The following GALNT13 variants were observed in gnomAD, a reference collection of about 807,000 sequenced individuals.
GALNT13 encodes UDP-GalNAc:polypeptide N-acetylgalactosaminyltransferase 13.
GALNT13 carries 28 observed loss-of-function variants against 64.2 expected under a neutral mutation model. The ratio of observed to expected loss-of-function variants is 0.44; its 90% CI spans 0.32 to 0.60. The LOEUF is 0.60. Ranked by LOEUF, GALNT13 falls within the 20% of genes least tolerant of loss-of-function variation. The pLI is 0.05. For synonymous variants in GALNT13, 214 were observed against 224.6 expected, an observed-to-expected ratio of 0.95 and a Z score of 0.42; for missense variants, 577 against 669.8, an observed-to-expected ratio of 0.86 and a Z score of 1.53.
chr2:153,864,523 G>C, the GALNT13 span, among the ~76,000 whole-genome samples: 2 of 152,124 alleles, frequency 1.3e-5, no homozygotes, highest in African/African-American at 4.8e-5. Context: ...TGTATCCTGA[G>C]ACTTTGCTGA....
the GALNT13 span, among the ~76,000 whole-genome samples, chr2:153,780,214 GATATATATATATAT>G: frequency 1.4e-3 from 176 of 128,060 alleles, 6 homozygotes; most frequent in East Asian, 6.7e-3. Context: ...AGAATTTGAA[GATATATATATATAT>G]ATATATATAT....
At chr2:154,256,934 A>T (rs1396189032) in intron 7 of GALNT13, among the ~76,000 whole-genome samples, 1 of 152,192 alleles carries the variant, frequency 6.6e-6, no homozygotes, top group African/African-American at 2.4e-5. Context: ...GCACATGGGC[A>T]TATGTAAATA....
the GALNT13 span, among the ~76,000 whole-genome samples, chr2:153,693,810 A>G: frequency 6.6e-6 from 1 of 152,034 alleles, no homozygotes; most frequent in South Asian, 2.1e-4. Context: ...GTAAATCTAT[A>G]TTTTACATCT....
chr2:153,270,707 C>T, the GALNT13 span, among the ~76,000 whole-genome samples: 1 of 152,000 alleles, frequency 6.6e-6, no homozygotes, highest in Non-Finnish European at 1.5e-5. Context: ...AGAAATTAGC[C>T]AGGCAAGATG....
At chr2:154,073,049 T>C (rs1700815031) in intron 3 of GALNT13, among the ~76,000 whole-genome samples, 1 of 152,026 alleles carries the variant, frequency 6.6e-6, no homozygotes, top group Non-Finnish European at 1.5e-5. Flanking sequence ...TTTTGTCTTG[T>C]TCACTTTGTT....
At chr2:153,982,218 C>G (rs959840810) in intron 3 of GALNT13, among the ~76,000 whole-genome samples, 2 of 152,042 alleles carry the variant, frequency 1.3e-5, no homozygotes, top group African/African-American at 4.8e-5. Flanking sequence ...GTGACAGGCT[C>G]TGAGAGAAGT....
In GALNT13 at chr2:153,903,172, G is replaced by A. The variant is rs150088827; in HGVS notation, c.-105+2165G>A. Among the ~76,000 whole-genome samples, 614 of 151,904 alleles carry A rather than the reference G, an allele frequency of 4.0e-3. 3 individuals carry two copies. The highest frequency in any genetic ancestry group is 0.014 in the African/African-American group (586 of 41,468). On this transcript the variant is annotated intron_variant, in intron 2 of 12. Transcript: ENST00000392825. The stretch of plus-strand genomic sequence containing the variant: ...ATTATATTATTCAATTATAAGTTAC[G>A]ATAGTAAACATGTCATCTTAATCTG...
the GALNT13 span, among the ~76,000 whole-genome samples, chr2:153,294,964 A>C: frequency 6.6e-6 from 1 of 152,202 alleles, no homozygotes; most frequent in Non-Finnish European, 1.5e-5. Flanking sequence ...TGTGAAGAGA[A>C]AAGTGATCTC....
At chr2:153,341,468 G>A in the GALNT13 span, among the ~76,000 whole-genome samples, 1 of 152,190 alleles carries the variant, frequency 6.6e-6, no homozygotes, top group Non-Finnish European at 1.5e-5. Flanking sequence ...ATCTATTATA[G>A]TCTGTTTGTT....
At chr2:153,256,749 C>T in the GALNT13 span, among the ~76,000 whole-genome samples, 5 of 152,152 alleles carry the variant, frequency 3.3e-5, no homozygotes, top group Admixed American at 1.3e-4. Context: ...GGGGTGCCTC[C>T]CAGTTAGGCT....
chr2:154,193,140 G>C (rs1045297292), intron 4 of GALNT13, among the ~76,000 whole-genome samples: 1 of 152,172 alleles, frequency 6.6e-6, no homozygotes, highest in Non-Finnish European at 1.5e-5. Context: ...CTCAGGATAA[G>C]AGTACAAATC....
chr2:153,378,463 A>G, the GALNT13 span, among the ~76,000 whole-genome samples: 3 of 152,152 alleles, frequency 2.0e-5, no homozygotes, highest in Non-Finnish European at 2.9e-5. Context: ...TGCAGCTATG[A>G]TTTGATTGGA....
At chr2:153,122,057 A>T in the GALNT13 span, among the ~76,000 whole-genome samples, 1 of 152,028 alleles carries the variant, frequency 6.6e-6, no homozygotes, top group African/African-American at 2.4e-5. Flanking sequence ...ATAGTGTTTC[A>T]CTCAGTAGAT....
chr2:153,404,215 A>C, the GALNT13 span, among the ~76,000 whole-genome samples: 6 of 152,150 alleles, frequency 3.9e-5, no homozygotes, highest in African/African-American at 4.8e-5. Context: ...TTTTCTTCCT[A>C]CTGTTTTTCC....
At chr2:154,175,467 G>A (rs559025286) in intron 4 of GALNT13, among the ~76,000 whole-genome samples, 79 of 152,238 alleles carry the variant, frequency 5.2e-4, no homozygotes, top group Non-Finnish European at 8.8e-4. Context: ...AAAGGTGTTA[G>A]TCAGGTGGCA....
the GALNT13 span, among the ~76,000 whole-genome samples, chr2:153,844,308 G>A: frequency 6.6e-6 from 1 of 152,206 alleles, no homozygotes; most frequent in African/African-American, 2.4e-5. Context: ...CATGGAAGCT[G>A]CTAAGGCTTA....
rs772456326 is a variant in GALNT13 at position 153,975,651 on chromosome 2, G to A, written c.142+31012G>A. Among the ~76,000 whole-genome samples, 4 of 151,902 alleles carry A rather than the reference G, an allele frequency of 2.6e-5. No homozygotes were observed. The South Asian group carries it at 8.3e-4, about 31-fold the overall frequency. Reference sequence around the variant, plus strand: ...AAAAATAACAATTCTTCTTAATTTGGCTGCTTTCTTCTCATCATTAAATGA... The same window carrying A: ...AAAAATAACAATTCTTCTTAATTTGACTGCTTTCTTCTCATCATTAAATGA... On this transcript the variant is annotated intron_variant, in intron 3 of 12. Coordinates refer to ENST00000392825, the MANE Select transcript of GALNT13 (RefSeq NM_052917.4).
intron 4 of GALNT13, among the ~76,000 whole-genome samples, chr2:154,167,658 G>A (rs146098113): frequency 8.1e-4 from 124 of 152,292 alleles, no homozygotes; most frequent in Non-Finnish European, 1.3e-3. Flanking sequence ...GTCAGTGTGA[G>A]TAGAGAGACA....
At chr2:154,290,446 TTATC>T (rs1013929961) in intron 8 of GALNT13, among the ~76,000 whole-genome samples, 20 of 152,190 alleles carry the variant, frequency 1.3e-4, no homozygotes, top group Non-Finnish European at 2.5e-4. Context: ...TTACAGGAAT[TTATC>T]TTAGGAGCAA....
Sources: gnomAD v4.1 joint callset for allele counts (sites outside exome capture counted in the v4.1 genomes callset) on GRCh38, gnomAD v4.1.1 for gene constraint, MANE v1.5 for transcripts, NCBI Gene and HGNC (gene_info 2026-07-23, HGNC 2026-07-21) for gene names.